Variants in PATJ observed in about 807,000 individuals in gnomAD.
PATJ encodes inaD-like protein.
A neutral mutation model predicts 224.9 loss-of-function variants in PATJ; 190 were observed. The ratio of observed to expected loss-of-function variants is 0.84; its 90% CI spans 0.75 to 0.95. The LOEUF (loss-of-function observed/expected upper bound fraction) is 0.95. Among genes scored for constraint, PATJ ranks in the 40% least tolerant of loss-of-function variants. The pLI is 0.00. For missense variants in PATJ, 2,121 were observed against 2,270.3 expected (o/e 0.93, Z 1.34); for synonymous variants, 769 against 820.3 (o/e 0.94, Z 1.07).
chr1:61,936,329 A>G (rs1201292109), intron 27 of PATJ, among the ~76,000 whole-genome samples: 1 of 150,824 alleles, frequency 6.6e-6, no homozygotes, highest in African/African-American at 2.4e-5. Context: ...CTTGCAAAAA[A>G]TATTCTATAT....
intron 27 of PATJ, among the ~76,000 whole-genome samples, chr1:61,931,410 A>G (rs1006546366): frequency 8.5e-5 from 13 of 152,240 alleles, no homozygotes; most frequent in African/African-American, 2.9e-4. Flanking sequence ...AATAAAAAAT[A>G]AAAACAAAAC....
chr1:62,011,845 A>G (rs912003499), intron 28 of PATJ, among the ~76,000 whole-genome samples: 2 of 152,114 alleles, frequency 1.3e-5, no homozygotes, highest in Admixed American at 6.6e-5. Context: ...GGGACTCCAT[A>G]TTGCATTTGG....
chr1:61,845,111 C>G (rs933940237), intron 17 of PATJ, among the ~76,000 whole-genome samples: 1 of 152,100 alleles, frequency 6.6e-6, no homozygotes, highest in African/African-American at 2.4e-5. Context: ...GGTCTTCGAA[C>G]GTATTCCTTA....
Position 61,797,418 on chromosome 1 carries a change from T to A in PATJ, c.1392T>A (p.Pro464=). 1 of 1,612,968 alleles carries A rather than the reference T, an allele frequency of 6.2e-7. No individual in the cohort carries two copies. The highest frequency in any genetic ancestry group is 1.1e-5 in the South Asian group (1 of 91,024). ...CATCTACTTCTCCACTTGAACCACCTTCAGACAGAGGTGATTAATTTGCCA... is the reference window on the plus strand; with the variant it reads ...CATCTACTTCTCCACTTGAACCACCATCAGACAGAGGTGATTAATTTGCCA... ...TSSSTSPLEP[P]SDRGTVVEPL... The change falls in exon 11 of 44, where the codon CCT becomes CCA. Residue 464 remains proline, a synonymous_variant. Transcript: ENST00000642238.
intron 34 of PATJ, among the ~76,000 whole-genome samples, chr1:62,112,160 C>T (rs1043749476): frequency 7.9e-5 from 12 of 152,228 alleles, no homozygotes; most frequent in Middle Eastern, 3.4e-3. Flanking sequence ...TCTCCTTTCC[C>T]GTAACCATTC....
intron 28 of PATJ, among the ~76,000 whole-genome samples, chr1:61,996,741 C>CTTTTCTT (rs1355853671): frequency 2.0e-5 from 2 of 97,736 alleles, no homozygotes; most frequent in African/African-American, 3.9e-5. Context: ...CTTTTCTTTT[C>CTTTTCTT]TTTTTTTTTT....
chr1:62,133,683 C>T (rs1264981767), intron 41 of PATJ, among the ~76,000 whole-genome samples: 2 of 151,788 alleles, frequency 1.3e-5, no homozygotes, highest in Non-Finnish European at 2.9e-5. Context: ...GCTCTGGAAA[C>T]ACCTGGAGGG....
intron 17 of PATJ, among the ~76,000 whole-genome samples, chr1:61,853,607 T>G (rs1228952034): frequency 6.6e-6 from 1 of 152,232 alleles, no homozygotes; most frequent in Non-Finnish European, 1.5e-5. Context: ...GCTTATTTAT[T>G]AGTGTGTCAA....
intron 14 of PATJ, among the ~76,000 whole-genome samples, chr1:61,808,743 TTAG>T (rs1557681418): frequency 6.6e-6 from 1 of 152,158 alleles, no homozygotes; most frequent in Non-Finnish European, 1.5e-5. Context: ...AGAAACTAAA[TTAG>T]TGCTGTGACC....
At chr1:61,795,122 A>AAT (rs71050161) in intron 9 of PATJ, among the ~76,000 whole-genome samples, 2 of 149,454 alleles carry the variant, frequency 1.3e-5, no homozygotes, top group Non-Finnish European at 3.0e-5. Flanking sequence ...AAAAAAAAAA[A>AAT]GAAGTTTTAT....
rs2149028338 is a variant in PATJ, at chr1:61,875,179, A to T, written c.2836-64A>T. On this transcript the variant is annotated intron_variant, in intron 20 of 43. Transcript: ENST00000642238. ...ACTATCATTATTACTTGGCTTGATCAACTGTACAGTAATACATTTTTTTCA... is the reference window on the plus strand; with the variant it reads ...ACTATCATTATTACTTGGCTTGATCTACTGTACAGTAATACATTTTTTTCA... The T allele has an allele frequency of 5.7e-6, 6 of 1,056,258 alleles. No homozygotes were observed. The South Asian group carries it at 7.5e-5, about 13-fold the overall frequency. The allele number at this position is 1,056,258 out of a possible 1,614,324, so 65.4% of individuals were successfully genotyped here.
At chr1:61,871,809 C>A (rs1666666683) in intron 20 of PATJ, among the ~76,000 whole-genome samples, 1 of 151,312 alleles carries the variant, frequency 6.6e-6, no homozygotes, top group South Asian at 2.1e-4. Flanking sequence ...GGCTATCTGC[C>A]CACCCTGGCC....
chr1:61,874,167 G>A (rs1279840860), intron 20 of PATJ, among the ~76,000 whole-genome samples: 1 of 142,132 alleles, frequency 7.0e-6, no homozygotes, highest in Non-Finnish European at 1.6e-5. Context: ...GCTCCCTTGG[G>A]CCTATTTTAT....
At chr1:61,905,516 T>C (rs924612080) in intron 24 of PATJ, among the ~76,000 whole-genome samples, 10 of 152,244 alleles carry the variant, frequency 6.6e-5, no homozygotes, top group Non-Finnish European at 1.3e-4. Flanking sequence ...ACTTGGGTAG[T>C]TTTTAATTAT....
At chr1:61,750,565 G>A (rs1296148000) in intron 1 of PATJ, among the ~76,000 whole-genome samples, 3 of 151,138 alleles carry the variant, frequency 2.0e-5, no homozygotes, top group Admixed American at 6.6e-5. Flanking sequence ...TTACTACTGA[G>A]TAGCTGGGAT....
chr1:61,779,617 A>G (rs1351406320), intron 7 of PATJ, among the ~76,000 whole-genome samples: 2 of 152,196 alleles, frequency 1.3e-5, no homozygotes, highest in Non-Finnish European at 2.9e-5. Flanking sequence ...CATTACCACA[A>G]TCAAGATAAT....
At chr1:61,856,944 G>A (rs951478505) in intron 18 of PATJ, among the ~76,000 whole-genome samples, 1 of 152,114 alleles carries the variant, frequency 6.6e-6, no homozygotes, top group African/African-American at 2.4e-5. Context: ...ATTTGGGAAT[G>A]GTGTCAAGAT....
intron 27 of PATJ, among the ~76,000 whole-genome samples, chr1:61,955,359 A>G (rs1680297148): frequency 6.6e-6 from 1 of 152,176 alleles, no homozygotes; most frequent in Non-Finnish European, 1.5e-5. Flanking sequence ...AAAGATATAT[A>G]GGTGCAGAGA....
chr1:61,976,022 T>C (rs556292276), intron 27 of PATJ, among the ~76,000 whole-genome samples: 2 of 152,168 alleles, frequency 1.3e-5, no homozygotes, highest in South Asian at 4.1e-4. Flanking sequence ...TTTATAGTCA[T>C]GCTTGGTCTT....
Sources: allele counts gnomAD v4.1 joint callset (sites outside exome capture counted in the v4.1 genomes callset), GRCh38; gene constraint gnomAD v4.1.1; transcripts MANE v1.5; gene names NCBI Gene and HGNC (gene_info 2026-07-23, HGNC 2026-07-21).